The following SEPTIN7 variants were observed in gnomAD, a reference collection of about 807,000 sequenced individuals.
SEPTIN7 encodes the protein septin 7.
In SEPTIN7, 10 loss-of-function variants were observed where a neutral mutation model predicts 63.3. That is an observed-to-expected ratio of 0.16 (90% CI 0.10 to 0.27). SEPTIN7 has a LOEUF of 0.27. Ranked by LOEUF, SEPTIN7 falls within the 10% of genes least tolerant of loss-of-function variation. SEPTIN7 has a pLI of 1.00. For synonymous variants in SEPTIN7, 131 were observed against 165.3 expected (o/e 0.79, Z 1.59); for missense variants, 310 against 521.0 (o/e 0.59, Z 3.94).
At chr7:35,911,233 G>A (rs1373197648), downstream of SEPTIN7, among the ~76,000 whole-genome samples, 1 of 152,220 alleles carries the variant, frequency 6.6e-6, no homozygotes, top group Non-Finnish European at 1.5e-5. Context: ...CCACTGCTGT[G>A]AGTATTCCTT....
At chr7:35,912,337 C>T in the SEPTIN7 span, among the ~76,000 whole-genome samples, 1 of 152,238 alleles carries the variant, frequency 6.6e-6, no homozygotes, top group Admixed American at 6.5e-5. Flanking sequence ...CGATCTGTGC[C>T]TAAAGGGCAT....
chr7:35,894,537 T>C (rs1787843344), intron 11 of SEPTIN7, among the ~76,000 whole-genome samples: 1 of 152,214 alleles, frequency 6.6e-6, no homozygotes, highest in Non-Finnish European at 1.5e-5. Flanking sequence ...TTTTACTCTT[T>C]ATTCAAGTGT....
chr7:35,859,233 A>G (rs1040210862), intron 3 of SEPTIN7, among the ~76,000 whole-genome samples: 2 of 151,978 alleles, frequency 1.3e-5, no homozygotes, highest in Admixed American at 1.3e-4. Context: ...GGTGTATTCT[A>G]ATTTCCCTTG....
chr7:35,837,349 C>T (rs577120797), intron 3 of SEPTIN7, among the ~76,000 whole-genome samples: 3 of 152,188 alleles, frequency 2.0e-5, no homozygotes, highest in African/African-American at 7.2e-5. Flanking sequence ...CTTTCATAAC[C>T]TATCTATTGG....
chr7:35,827,435 T>A (rs1374453214), intron 1 of SEPTIN7, among the ~76,000 whole-genome samples: 1 of 152,148 alleles, frequency 6.6e-6, no homozygotes, highest in Admixed American at 6.5e-5. Flanking sequence ...GAATTTAGGG[T>A]ATGGAAAAAT....
At chr7:35,874,715 A>G (rs1371491300) in intron 6 of SEPTIN7, among the ~76,000 whole-genome samples, 1 of 152,060 alleles carries the variant, frequency 6.6e-6, no homozygotes, top group African/African-American at 2.4e-5. Context: ...ATCACTCTAG[A>G]TGGATAAGGG....
chr7:35,828,031 A>G (rs1783608250), intron 1 of SEPTIN7, among the ~76,000 whole-genome samples: 1 of 152,218 alleles, frequency 6.6e-6, no homozygotes, highest in Non-Finnish European at 1.5e-5. Context: ...TGAATATGAC[A>G]TGGTTCTCTC....
At chr7:35,856,591 T>C (rs971270344) in intron 3 of SEPTIN7, among the ~76,000 whole-genome samples, 7 of 152,212 alleles carry the variant, frequency 4.6e-5, no homozygotes, top group African/African-American at 1.4e-4. Context: ...AAGCTCCTTA[T>C]GTATGGAACC....
In SEPTIN7 at chr7:35,890,710, C is replaced by T; in HGVS notation, c.915C>T (p.His305=). 1 of 1,597,192 alleles carries T rather than the reference C, an allele frequency of 6.3e-7. No individual in the cohort carries two copies. The highest frequency in any genetic ancestry group is 8.5e-7 in the Non-Finnish European group (1 of 1,173,720). Residue 305 remains histidine, a synonymous_variant, in exon 11 of 14, where the codon CAC becomes CAT. Transcript: ENST00000350320. ...TGAAAGATGTTACTAATAATGTCCA[C>T]TATGAGAACTACAGAAGCAGAAAAC... ...QDLKDVTNNV[H]YENYRSRKLA...
At chr7:35,802,140 G>T in intron 1 of SEPTIN7, 1 of 172,540 alleles carries the variant, frequency 5.8e-6, no homozygotes, top group Non-Finnish European at 1.3e-5. Context: ...ATTAATTTTT[G>T]AAAATATTTC....
At chr7:35,873,087 T>G (rs1786257765) in intron 5 of SEPTIN7, among the ~76,000 whole-genome samples, 1 of 152,140 alleles carries the variant, frequency 6.6e-6, no homozygotes, top group African/African-American at 2.4e-5. Flanking sequence ...TTTTATTCAT[T>G]TGTATAAATT....
intron 12 of SEPTIN7, chr7:35,899,265 T>G (rs760373782): frequency 1.3e-5 from 2 of 152,228 alleles, no homozygotes; most frequent in Non-Finnish European, 2.9e-5. Context: ...CTGGGCATGG[T>G]GGCTCATGCC....
At chr7:35,805,057 T>C (rs1273344332) in intron 1 of SEPTIN7, among the ~76,000 whole-genome samples, 1 of 152,112 alleles carries the variant, frequency 6.6e-6, no homozygotes, top group African/African-American at 2.4e-5. Context: ...AATTTTTGTA[T>C]TTTTAGTAGA....
chr7:35,888,151 C>T (rs929752519), intron 10 of SEPTIN7, among the ~76,000 whole-genome samples: 13 of 152,176 alleles, frequency 8.5e-5, no homozygotes, highest in African/African-American at 2.9e-4. Context: ...GAAAGAGTTA[C>T]GATATCAGCA....
chr7:35,829,113 T>G (rs1248515484), intron 1 of SEPTIN7, among the ~76,000 whole-genome samples: 2 of 148,238 alleles, frequency 1.3e-5, no homozygotes, highest in Non-Finnish European at 3.0e-5. Context: ...CACTTCATTA[T>G]AGTTCATGGA....
At chr7:35,807,726 G>A (rs1374935888) in intron 1 of SEPTIN7, among the ~76,000 whole-genome samples, 1 of 151,466 alleles carries the variant, frequency 6.6e-6, no homozygotes, top group East Asian at 2.0e-4. Flanking sequence ...TCGAACTCTC[G>A]ACCTCAGGTG....
chr7:35,906,811 A>G lies in SEPTIN7; in HGVS notation c.*2518A>G, dbSNP rs1161482538. The G allele has an allele frequency of 6.6e-6, 1 of 152,198 alleles. No individual in the cohort carries two copies. The highest frequency in any genetic ancestry group is 1.5e-5 in the Non-Finnish European group (1 of 68,040). 9.4% of individuals were successfully genotyped at this position (152,198 alleles called of 1,614,324 possible). A position where few individuals can be genotyped will look rare whatever the true frequency, so the allele number is the denominator to read the frequency against. ...GCACATTCTGACCCACCGCATCTTA[A>G]TATGTTTTGTCCTCTTGGAGAAACT... On this transcript the variant is annotated 3_prime_UTR_variant, in exon 14 of 14. Transcript: ENST00000350320.
intron 3 of SEPTIN7, among the ~76,000 whole-genome samples, chr7:35,861,331 T>C (rs1785496287): frequency 6.6e-6 from 1 of 152,212 alleles, no homozygotes; most frequent in South Asian, 2.1e-4. Context: ...TGGAATGGGC[T>C]ATGTTTTCCT....
chr7:35,812,169 T>C (rs1788769036), intron 1 of SEPTIN7: 1 of 169,770 alleles, frequency 5.9e-6, no homozygotes, highest in South Asian at 8.9e-5. Flanking sequence ...TTTAGAGAGA[T>C]GGCTAACTCA....
Sources: allele counts gnomAD v4.1 joint callset (sites outside exome capture counted in the v4.1 genomes callset), GRCh38; gene constraint gnomAD v4.1.1; transcripts MANE v1.5; gene names NCBI Gene and HGNC (gene_info 2026-07-23, HGNC 2026-07-21).